Variants in DHX32 observed in about 807,000 individuals in gnomAD.
DHX32 encodes the protein putative pre-mRNA-splicing factor ATP-dependent RNA helicase DHX32.
DHX32 carries 51 observed loss-of-function variants against 70.0 expected under a neutral mutation model. The ratio of observed to expected loss-of-function variants is 0.73; its 90% confidence interval spans 0.58 to 0.92. DHX32 has a LOEUF of 0.92. DHX32 is among the 40% of genes least tolerant of loss of function. The pLI, the probability that DHX32 is intolerant of heterozygous loss-of-function variation, is 0.00. For missense variants in DHX32, 762 were observed against 891.8 expected (o/e 0.85, Z 1.85); for synonymous variants, 310 against 315.3 (o/e 0.98, Z 0.18).
At chr10:125,838,000 CTG>C in intron 10 of DHX32, among the ~76,000 whole-genome samples, 1 of 152,290 alleles carries the variant, frequency 6.6e-6, no homozygotes, top group Middle Eastern at 3.4e-3. Context: ...TATTTCTACA[CTG>C]TCTTTTCTAT....
In DHX32 at chr10:125,859,911, C is replaced by T. The variant is rs1944175053; in HGVS notation, c.541G>A (p.Val181Ile). The T allele has an allele frequency of 1.9e-6, 3 of 1,612,688 alleles. No homozygotes were observed. Among genetic ancestry groups the T allele is most frequent in the Non-Finnish European group, 2.5e-6 (3 of 1,179,364 alleles). The change falls in exon 3 of 11, where the codon GTC (valine) becomes ATC (isoleucine). Residue 181 changes from valine to isoleucine, a missense_variant. This residue lies in a region of DHX32 where 394 missense variants were observed against 473.1 expected (regional missense o/e 0.83). Transcript: ENST00000284690. ...TCATGAATATCATCTAAGATGATGA[C>T]CCCATAGCTACCCAAAAAAGGATTG... Reference protein sequence around the residue: ...MSNPFLGSYGVIILDDIHERS... With the variant: ...MSNPFLGSYGIIILDDIHERS...
chr10:125,860,547 C>A (rs1944180141), intron 2 of DHX32, among the ~76,000 whole-genome samples: 2 of 152,028 alleles, frequency 1.3e-5, no homozygotes, highest in Admixed American at 1.3e-4. Context: ...AAAAAGTAAC[C>A]ACCTATTTAA....
At chr10:125,846,020 G>C (rs1263935848) in intron 6 of DHX32, among the ~76,000 whole-genome samples, 3 of 152,236 alleles carry the variant, frequency 2.0e-5, no homozygotes, top group Non-Finnish European at 4.4e-5. Context: ...GACTAAGTGG[G>C]GAAGGAAGCT....
intron 1 of DHX32, among the ~76,000 whole-genome samples, chr10:125,873,541 A>G (rs774377041): frequency 6.6e-6 from 1 of 152,310 alleles, no homozygotes; most frequent in Non-Finnish European, 1.5e-5. Context: ...AACAGAATCT[A>G]CAAGTTTAAA....
chr10:125,886,696 C>T (rs1271999211), intron 1 of DHX32, among the ~76,000 whole-genome samples: 1 of 152,310 alleles, frequency 6.6e-6, no homozygotes, highest in African/African-American at 2.4e-5. Context: ...TTGAATCATA[C>T]ATCCAAACCC....
upstream of DHX32, among the ~76,000 whole-genome samples, chr10:125,884,780 C>G (rs1589719015): frequency 6.6e-6 from 1 of 151,680 alleles, no homozygotes; most frequent in South Asian, 2.1e-4. Context: ...CAGTGCTCCT[C>G]TTTTGTGTGT....
chr10:125,860,803 T>C (rs1944182596), intron 2 of DHX32, among the ~76,000 whole-genome samples: 1 of 137,524 alleles, frequency 7.3e-6, no homozygotes, highest in Non-Finnish European at 1.5e-5. Context: ...TCGCCCAGGC[T>C]GGAGTGCAGT....
chr10:125,872,523 A>G (rs1944261697), intron 1 of DHX32, among the ~76,000 whole-genome samples: 1 of 152,200 alleles, frequency 6.6e-6, no homozygotes, highest in Non-Finnish European at 1.5e-5. Context: ...TTTTCATGTG[A>G]TTTATCCTGG....
At position 125,836,863 on chromosome 10, in the gene DHX32, T is replaced by C. The variant is rs1854706595; in HGVS notation, c.2064-8A>G. The C allele has an allele frequency of 9.9e-6, 16 of 1,613,304 alleles. No individual in the cohort carries two copies. Among genetic ancestry groups the C allele is most frequent in the Non-Finnish European group, 1.1e-5 (13 of 1,179,454 alleles). ...GGTACCAGCTGCATAAATCTGTTTA[T>C]TTAAGACAAAAAGATGAGATTATGA... On this transcript the variant is annotated splice_region_variant and splice_polypyrimidine_tract_variant and intron_variant, in intron 10 of 10. Transcript: ENST00000284690.
chr10:125,849,653 T>C (rs1485708555), intron 6 of DHX32, among the ~76,000 whole-genome samples: 2 of 152,212 alleles, frequency 1.3e-5, no homozygotes, highest in East Asian at 3.8e-4. Flanking sequence ...TGTCAGGCAC[T>C]GCGGCAGAGC....
chr10:125,885,108 A>G (rs1251247406), upstream of DHX32, among the ~76,000 whole-genome samples: 1 of 152,082 alleles, frequency 6.6e-6, no homozygotes, highest in African/African-American at 2.4e-5. Flanking sequence ...CACGCCTGCA[A>G]CTGAGCTCCC....
chr10:125,893,388 C>T (rs76565087), intron 1 of DHX32, among the ~76,000 whole-genome samples: 4 of 151,990 alleles, frequency 2.6e-5, no homozygotes, highest in Admixed American at 2.0e-4. Flanking sequence ...GGACTACGGG[C>T]GCCCGCCACC....
intron 10 of DHX32, among the ~76,000 whole-genome samples, chr10:125,837,817 CCTT>C (rs1408211039): frequency 6.6e-6 from 1 of 152,182 alleles, no homozygotes; most frequent in Non-Finnish European, 1.5e-5. Context: ...AAGCCTTACA[CCTT>C]CTGGTGCCTG....
intron 10 of DHX32, among the ~76,000 whole-genome samples, chr10:125,837,961 CCTT>C (rs1486501105): frequency 2.0e-5 from 3 of 152,278 alleles, no homozygotes; most frequent in Admixed American, 6.5e-5. Context: ...AGCATTCTGT[CCTT>C]CTTAAAGACA....
At chr10:125,858,988 TA>T (rs1226151728) in intron 3 of DHX32, among the ~76,000 whole-genome samples, 1 of 151,858 alleles carries the variant, frequency 6.6e-6, no homozygotes, top group Non-Finnish European at 1.5e-5. Flanking sequence ...GTCATTCTTT[TA>T]AAGAGATGTT....
intron 6 of DHX32, among the ~76,000 whole-genome samples, chr10:125,849,974 G>A (rs536309293): frequency 5.3e-5 from 8 of 152,004 alleles, no homozygotes; most frequent in African/African-American, 1.9e-4. Context: ...AGAATCTTTT[G>A]TTTCTCTTTT....
intron 8 of DHX32, 39 bp from the exon 9 acceptor site, chr10:125,839,227 TGTCAG>T: frequency 6.3e-7 from 1 of 1,599,376 alleles, no homozygotes; most frequent in South Asian, 1.1e-5. Flanking sequence ...AGAAATGATT[TGTCAG>T]AAGCTCTGAA....
chr10:125,840,638 G>A (rs1854851799), intron 8 of DHX32, among the ~76,000 whole-genome samples: 1 of 152,252 alleles, frequency 6.6e-6, no homozygotes, highest in African/African-American at 2.4e-5. Context: ...GGCCCGCCAT[G>A]GTGGCACACC....
intron 1 of DHX32, among the ~76,000 whole-genome samples, chr10:125,879,592 A>G (rs1214110105): frequency 1.3e-5 from 2 of 152,152 alleles, no homozygotes; most frequent in African/African-American, 4.8e-5. Context: ...CTAACCTCCA[A>G]TGGTTCTGAG....
Sources: allele counts gnomAD v4.1 joint callset (sites outside exome capture counted in the v4.1 genomes callset), GRCh38; gene constraint gnomAD v4.1.1; regional missense constraint gnomAD v4.1.1; transcripts MANE v1.5; gene names NCBI Gene and HGNC (gene_info 2026-07-23, HGNC 2026-07-21).